The following NXPH1 variants were observed in gnomAD, a reference collection of about 807,000 sequenced individuals.
NXPH1 encodes neurexophilin-1.
A neutral mutation model predicts 23.7 loss-of-function variants in NXPH1; 5 were observed. The observed-to-expected ratio is 0.21, with a 90% CI of 0.11 to 0.44. NXPH1 has a LOEUF of 0.44. NXPH1 is among the 20% of genes least tolerant of loss of function. The pLI is 0.99. For missense variants in NXPH1, 324 were observed against 321.6 expected (o/e 1.01, Z -0.06); for synonymous variants, 144 against 122.2 (o/e 1.18, Z -1.18).
intron 2 of NXPH1, among the ~76,000 whole-genome samples, chr7:8,551,193 C>T (rs1389404890): frequency 1.3e-5 from 2 of 151,152 alleles, no homozygotes; most frequent in Non-Finnish European, 1.5e-5. Flanking sequence ...ACTATTATAC[C>T]CTATTCAATT....
At chr7:8,616,059 T>C (rs2128630489) in intron 2 of NXPH1, among the ~76,000 whole-genome samples, 1 of 152,176 alleles carries the variant, frequency 6.6e-6, no homozygotes, top group South Asian at 2.1e-4. Flanking sequence ...CAAATCCCTC[T>C]CATCATGACT....
At chr7:8,485,320 G>A (rs1047541160) in intron 2 of NXPH1, among the ~76,000 whole-genome samples, 5 of 152,108 alleles carry the variant, frequency 3.3e-5, no homozygotes, top group Non-Finnish European at 5.9e-5. Context: ...GGAACTGTGA[G>A]TCCATTAAAC....
At chr7:8,581,753 AG>A (rs1218725373) in intron 2 of NXPH1, among the ~76,000 whole-genome samples, 3 of 152,178 alleles carry the variant, frequency 2.0e-5, no homozygotes, top group African/African-American at 7.2e-5. Context: ...GTAGGTAACT[AG>A]GGGACAAAGT....
chr7:8,580,641 G>C (rs1195994464), intron 2 of NXPH1, among the ~76,000 whole-genome samples: 2 of 152,122 alleles, frequency 1.3e-5, no homozygotes, highest in Non-Finnish European at 2.9e-5. Context: ...AAAAACCTCT[G>C]GAGAGCTTAG....
rs148131205 is a variant in NXPH1, at chr7:8,699,492, G to A, written c.55-51516G>A. Among the ~76,000 whole-genome samples, 382 of 152,140 alleles carry A rather than the reference G, an allele frequency of 2.5e-3. 3 individuals carry two copies. The highest frequency in any genetic ancestry group is 0.02 in the Middle Eastern group (6 of 294). On this transcript the variant is annotated intron_variant, in intron 2 of 2. Coordinates refer to ENST00000405863, the MANE Select transcript of NXPH1 (RefSeq NM_152745.3). ...AGAATAGCTAAGAAGGAATTAACTT[G>A]GCAGTAATTCTCATAAAAAAGTAAT...
chr7:8,734,540 CTT>C (rs1421996234), intron 2 of NXPH1, among the ~76,000 whole-genome samples: 6 of 152,200 alleles, frequency 3.9e-5, no homozygotes, highest in Admixed American at 1.3e-4. Flanking sequence ...TTTGTCCTCT[CTT>C]ATTTCCTTGA....
chr7:8,480,236 T>C (rs1446543925), intron 2 of NXPH1, among the ~76,000 whole-genome samples: 1 of 152,170 alleles, frequency 6.6e-6, no homozygotes, highest in African/African-American at 2.4e-5. Context: ...TGGTTTTCTG[T>C]ATTTGTTTTA....
rs1358090259 is a variant in NXPH1, at chr7:8,655,442, CTCTCTCT to C, written c.55-95565_55-95559del. Among the ~76,000 whole-genome samples, 112 of 67,936 alleles carry C rather than the reference CTCTCTCT, an allele frequency of 1.6e-3. 1 individual carries two copies. The highest frequency in any genetic ancestry group is 4.7e-3 in the African/African-American group (97 of 20,676). 44.6% of individuals were successfully genotyped at this position (67,936 alleles called of 152,430 possible). ...TCTCTCTCTCTCTCTCTCTCTCTCT[CTCTCTCT>C]ATACACACACACACACACACACACA... is the stretch of plus-strand genomic sequence containing the variant. On this transcript the variant is annotated intron_variant, in intron 2 of 2. Transcript: ENST00000405863.
intron 2 of NXPH1, among the ~76,000 whole-genome samples, chr7:8,483,688 G>A (rs1302314390): frequency 6.6e-6 from 1 of 152,124 alleles, no homozygotes; most frequent in African/African-American, 2.4e-5. Flanking sequence ...ATGTCAGAGT[G>A]GGGTGTCCAG....
chr7:8,661,324 A>G (rs1820666130), intron 2 of NXPH1, among the ~76,000 whole-genome samples: 1 of 152,126 alleles, frequency 6.6e-6, no homozygotes, highest in Non-Finnish European at 1.5e-5. Flanking sequence ...CAAAGTGACT[A>G]TTTCCTGTGC....
chr7:8,636,226 G>A lies in NXPH1; in HGVS notation c.55-114782G>A, dbSNP rs181119916. 3.3e-3 allele frequency among the ~76,000 whole-genome samples: 505 copies of A among 152,258 alleles called. 1 individual carries two copies. Among genetic ancestry groups the A allele is most frequent in the Non-Finnish European group, 5.4e-3 (368 of 68,030 alleles). ...AGCAACAGCCCTCTGGGATATTTGAGTAAATGTAAGTGAAAGTTCCCTGTG... is the reference window on the plus strand; with the variant it reads ...AGCAACAGCCCTCTGGGATATTTGAATAAATGTAAGTGAAAGTTCCCTGTG... On this transcript the variant is annotated intron_variant, in intron 2 of 2. Transcript: ENST00000405863.
chr7:8,447,119 T>G (rs975567220), intron 2 of NXPH1, among the ~76,000 whole-genome samples: 1 of 152,226 alleles, frequency 6.6e-6, no homozygotes, highest in African/African-American at 2.4e-5. Context: ...CCGTAATTAA[T>G]CCTAAGTTTA....
intron 2 of NXPH1, among the ~76,000 whole-genome samples, chr7:8,587,645 C>T (rs762374276): frequency 1.2e-4 from 18 of 152,086 alleles, no homozygotes; most frequent in African/African-American, 3.1e-4. Flanking sequence ...AGCCCCCAAC[C>T]GCCCAACAGG....
intron 2 of NXPH1, among the ~76,000 whole-genome samples, chr7:8,461,568 C>T (rs1305132172): frequency 1.3e-5 from 2 of 152,000 alleles, no homozygotes; most frequent in African/African-American, 2.4e-5. Context: ...CGGTGGCTCA[C>T]GCCTGTAATC....
intron 2 of NXPH1, among the ~76,000 whole-genome samples, chr7:8,554,465 A>G (rs187413654): frequency 6.6e-6 from 1 of 151,766 alleles, no homozygotes; most frequent in African/African-American, 2.4e-5. Context: ...TTTTGGGTGT[A>G]TGTGAGTGGG....
At chr7:8,738,424 C>A (rs548922503) in intron 2 of NXPH1, among the ~76,000 whole-genome samples, 15 of 152,206 alleles carry the variant, frequency 9.9e-5, no homozygotes, top group Non-Finnish European at 2.1e-4. Context: ...CACTCCAGAC[C>A]CTGTTTGGCT....
intron 2 of NXPH1, among the ~76,000 whole-genome samples, chr7:8,662,692 ATCAG>A (rs1385432765): frequency 3.3e-5 from 5 of 152,062 alleles, no homozygotes; most frequent in Non-Finnish European, 7.4e-5. Context: ...GTAAATAAGT[ATCAG>A]TCAGGGCTGG....
At chr7:8,436,875 T>G (rs1454528207) in intron 2 of NXPH1, among the ~76,000 whole-genome samples, 12 of 152,212 alleles carry the variant, frequency 7.9e-5, no homozygotes, top group Admixed American at 7.9e-4. Flanking sequence ...AGAATTGCCA[T>G]CCCTACAATT....
At chr7:8,515,805 A>G (rs1182357566) in intron 2 of NXPH1, among the ~76,000 whole-genome samples, 2 of 152,166 alleles carry the variant, frequency 1.3e-5, no homozygotes, top group Non-Finnish European at 2.9e-5. Flanking sequence ...TGGAACATGA[A>G]TCTGATCACA....
Sources: allele counts gnomAD v4.1 joint callset (sites outside exome capture counted in the v4.1 genomes callset), GRCh38; gene constraint gnomAD v4.1.1; transcripts MANE v1.5; gene names NCBI Gene and HGNC (gene_info 2026-07-23, HGNC 2026-07-21).